DOCK3: variants seen among roughly 807,000 people sequenced by gnomAD.
DOCK3 encodes dedicator of cytokinesis 3, also known as dedicator of cytokinesis protein 3.
Under a neutral mutation model 265.6 loss-of-function variants are expected in DOCK3, and 60 were observed. The ratio of observed to expected loss-of-function variants is 0.23; its 90% confidence interval spans 0.18 to 0.28. The LOEUF (loss-of-function observed/expected upper bound fraction) is 0.28. DOCK3 is among the 10% of genes least tolerant of loss of function. The pLI, the probability that DOCK3 is intolerant of heterozygous loss-of-function variation, is 1.00. For missense variants in DOCK3, 1,981 were observed against 2,594.3 expected, an observed-to-expected ratio of 0.76 and a Z score of 5.14; for synonymous variants, 881 against 938.0, an observed-to-expected ratio of 0.94 and a Z score of 1.11.
chr3:50,921,665 G>A (rs944402725), intron 4 of DOCK3, among the ~76,000 whole-genome samples: 2 of 151,992 alleles, frequency 1.3e-5, no homozygotes, highest in African/African-American at 2.4e-5. Context: ...TTTCTGCTCT[G>A]GTTTCTTCCC....
At chr3:51,027,527 G>A (rs2079871411) in intron 5 of DOCK3, among the ~76,000 whole-genome samples, 1 of 152,044 alleles carries the variant, frequency 6.6e-6, no homozygotes, top group Non-Finnish European at 1.5e-5. Context: ...ATCTAATTCT[G>A]TCAATGGGGT....
intron 23 of DOCK3, among the ~76,000 whole-genome samples, chr3:51,266,984 A>T (rs1462029499): frequency 6.6e-6 from 1 of 152,208 alleles, no homozygotes; most frequent in Non-Finnish European, 1.5e-5. Flanking sequence ...TTTACAAGAA[A>T]AAACCATCAA....
intron 1 of DOCK3, among the ~76,000 whole-genome samples, chr3:50,777,211 C>T (rs544942083): frequency 1.3e-5 from 2 of 151,718 alleles, no homozygotes; most frequent in East Asian, 1.9e-4. Flanking sequence ...GTTTTTTTTT[C>T]CCAGCTTATG....
chr3:51,313,261 A>G (rs2083193738), intron 31 of DOCK3, among the ~76,000 whole-genome samples: 1 of 152,236 alleles, frequency 6.6e-6, no homozygotes, highest in Non-Finnish European at 1.5e-5. Flanking sequence ...TGCAGGCTCA[A>G]AAGCTTAGAT....
chr3:50,842,495 T>A (rs772442874), intron 3 of DOCK3, among the ~76,000 whole-genome samples: 1 of 152,216 alleles, frequency 6.6e-6, no homozygotes, highest in East Asian at 1.9e-4. Context: ...AACAGTATCT[T>A]TACATTTTAA....
chr3:51,160,847 TG>T (rs979710083), intron 12 of DOCK3, 145 bp downstream of exon 12: 13 of 982,428 alleles, frequency 1.3e-5, no homozygotes, highest in African/African-American at 6.9e-5. Context: ...GAGGCCAAGG[TG>T]GGCAAATCAC....
At chr3:51,167,017 T>C (rs756912381) in intron 12 of DOCK3, among the ~76,000 whole-genome samples, 1 of 152,204 alleles carries the variant, frequency 6.6e-6, no homozygotes, top group Non-Finnish European at 1.5e-5. Flanking sequence ...TGTTGTCATA[T>C]CTCAAAAAAT....
chr3:50,907,564 T>C (rs1356692292), intron 4 of DOCK3, among the ~76,000 whole-genome samples: 1 of 152,216 alleles, frequency 6.6e-6, no homozygotes, highest in South Asian at 2.1e-4. Context: ...TATCAGAGAC[T>C]AGGATTGCAA....
intron 5 of DOCK3, among the ~76,000 whole-genome samples, chr3:51,015,259 G>A (rs1007340806): frequency 8.6e-5 from 13 of 152,012 alleles, no homozygotes; most frequent in African/African-American, 2.9e-4. Context: ...TATGATACCA[G>A]CCGTGAATCT....
At chr3:51,149,056 C>T (rs2085441697) in intron 10 of DOCK3, among the ~76,000 whole-genome samples, 1 of 152,190 alleles carries the variant, frequency 6.6e-6, no homozygotes, top group African/African-American at 2.4e-5. Context: ...AGAGGTCCTT[C>T]ACATCCCTTG....
At chr3:51,232,336 G>T (rs1399851112) in intron 19 of DOCK3, among the ~76,000 whole-genome samples, 2 of 152,110 alleles carry the variant, frequency 1.3e-5, no homozygotes, top group African/African-American at 2.4e-5. Flanking sequence ...CCATAAATAT[G>T]CATGTGCGTG....
chr3:50,709,521 GA>G (rs767489436), intron 1 of DOCK3, among the ~76,000 whole-genome samples: 3 of 151,964 alleles, frequency 2.0e-5, no homozygotes, highest in Non-Finnish European at 4.4e-5. Flanking sequence ...TATTAGCCAT[GA>G]TTTTTTTTTT....
chr3:50,675,332 G>A lies in DOCK3; in HGVS notation c.37+32G>A, dbSNP rs2033855280. ...GAGGCTCAGGCCTGGCCGTGGCGGG[G>A]GTTCTGGGGGACGCGCCCAGCTCCC... On this transcript the variant is annotated intron_variant, in intron 1 of 52. Coordinates refer to ENST00000266037, the MANE Select transcript of DOCK3 (RefSeq NM_004947.5). This position sits in a 1 kb window ranked among gnomAD's most constrained non-coding sequence, Gnocchi z 6.1. 1.6e-6 allele frequency: 2 copies of A among 1,224,174 alleles called. No individual in the cohort carries two copies. The highest frequency in any genetic ancestry group is 2.1e-6 in the Non-Finnish European group (2 of 971,076). 75.8% of individuals were successfully genotyped at this position (1,224,174 alleles called of 1,614,324 possible).
At chr3:51,223,123 T>G (rs1009291169) in intron 14 of DOCK3, among the ~76,000 whole-genome samples, 2 of 152,154 alleles carry the variant, frequency 1.3e-5, no homozygotes, top group Non-Finnish European at 2.9e-5. Context: ...AAATTTGTTT[T>G]GAAGAGCCTC....
At chr3:50,976,089 A>G (rs2077440474) in intron 5 of DOCK3, among the ~76,000 whole-genome samples, 1 of 149,842 alleles carries the variant, frequency 6.7e-6, no homozygotes, top group East Asian at 2.0e-4. Flanking sequence ...CTTTCAAAAA[A>G]CCAGCTCCTG....
chr3:51,141,299 G>GTC (rs2085057863), intron 9 of DOCK3, among the ~76,000 whole-genome samples: 1 of 142,930 alleles, frequency 7.0e-6, no homozygotes, highest in Non-Finnish European at 1.5e-5. Context: ...TTCCTGGAGA[G>GTC]TTTTTTTTTT....
intron 27 of DOCK3, among the ~76,000 whole-genome samples, chr3:51,291,192 T>A (rs926925267): frequency 6.6e-6 from 1 of 151,942 alleles, no homozygotes; most frequent in Non-Finnish European, 1.5e-5. Context: ...AATGCCTACA[T>A]CAAATAAGAA....
intron 3 of DOCK3, among the ~76,000 whole-genome samples, chr3:50,859,648 T>C (rs2046808070): frequency 6.6e-6 from 1 of 152,198 alleles, no homozygotes; most frequent in Non-Finnish European, 1.5e-5. Context: ...TTCTGGATGT[T>C]TTCACCAAGC....
At chr3:51,148,933 C>T (rs906032583) in intron 10 of DOCK3, among the ~76,000 whole-genome samples, 17 of 152,164 alleles carry the variant, frequency 1.1e-4, no homozygotes, top group Non-Finnish European at 1.9e-4. Flanking sequence ...TTACCTTGGG[C>T]AATACGGCCA....
Sources: allele counts gnomAD v4.1 joint callset (sites outside exome capture counted in the v4.1 genomes callset), GRCh38; gene constraint gnomAD v4.1.1; non-coding constraint Gnocchi (gnomAD v3.1); transcripts MANE v1.5; gene names NCBI Gene and HGNC (gene_info 2026-07-23, HGNC 2026-07-21).